The following SYNJ2BP variants were observed in gnomAD, a reference collection of about 807,000 sequenced individuals.
SYNJ2BP encodes the protein synaptojanin-2-binding protein.
Under a neutral mutation model 16.9 loss-of-function variants are expected in SYNJ2BP, and 10 were observed. The ratio of observed to expected loss-of-function variants is 0.59; its 90% CI spans 0.36 to 1.00. The LOEUF is 1.00. Ranked by LOEUF, SYNJ2BP falls within the 50% of genes least tolerant of loss-of-function variation. The probability of loss-of-function intolerance (pLI) is 0.01; values close to 1 mark genes in which losing one functional copy is unlikely to be tolerated. For synonymous variants in SYNJ2BP, 54 were observed against 68.4 expected, an observed-to-expected ratio of 0.79 and a Z score of 1.04; for missense variants, 162 against 186.7, an observed-to-expected ratio of 0.87 and a Z score of 0.77.
At chr14:70,388,273 CT>C (rs1887903922) in intron 2 of SYNJ2BP, among the ~76,000 whole-genome samples, 196 bp downstream of exon 2, 1 of 152,238 alleles carries the variant, frequency 6.6e-6, no homozygotes, top group African/African-American at 2.4e-5. Context: ...ACATTCTCAT[CT>C]ATCAGGTGAG....
chr14:70,397,708 T>A (rs1363956536), intron 1 of SYNJ2BP, among the ~76,000 whole-genome samples: 1 of 152,214 alleles, frequency 6.6e-6, no homozygotes. Flanking sequence ...AGGTCTCAGA[T>A]ACATGAAGGG....
intron 1 of SYNJ2BP, among the ~76,000 whole-genome samples, chr14:70,407,772 A>G (rs142076518): frequency 1.2e-4 from 18 of 152,216 alleles, no homozygotes; most frequent in Middle Eastern, 3.4e-3. Context: ...AATATTTGCT[A>G]TCGCTTTTCA....
At position 70,412,529 on chromosome 14, in the gene SYNJ2BP, T is replaced by C. The variant is rs60542039; in HGVS notation, c.64+4371A>G. On this transcript the variant is annotated intron_variant, in intron 1 of 3. Transcript: ENST00000256366. ...ATATACAGTATATATACAGTATATA[T>C]GTATGTATAGTATATATACAGTATA... is the stretch of plus-strand genomic sequence containing the variant. 5.5e-3 allele frequency among the ~76,000 whole-genome samples: 803 copies of C among 144,858 alleles called. 13 individuals are homozygous for C. The highest frequency in any genetic ancestry group is 0.02 in the African/African-American group (748 of 37,418).
At chr14:70,397,700 G>T (rs1335279150) in intron 1 of SYNJ2BP, among the ~76,000 whole-genome samples, 1 of 152,202 alleles carries the variant, frequency 6.6e-6, no homozygotes, top group Non-Finnish European at 1.5e-5. Context: ...GAGCTCCCAG[G>T]TCTCAGATAC....
At chr14:70,409,307 C>T (rs1010124970) in intron 1 of SYNJ2BP, among the ~76,000 whole-genome samples, 6 of 152,192 alleles carry the variant, frequency 3.9e-5, no homozygotes, top group Non-Finnish European at 8.8e-5. Context: ...ATAATAAATG[C>T]TAAATAAATT....
intron 1 of SYNJ2BP, among the ~76,000 whole-genome samples, chr14:70,400,062 A>G (rs1297912903): frequency 6.6e-6 from 1 of 152,236 alleles, no homozygotes; most frequent in East Asian, 1.9e-4. Context: ...TGTTCCAAGC[A>G]AAAAGTCAAA....
In SYNJ2BP at chr14:70,370,810, C is replaced by A; in HGVS notation, c.*2181G>T. On this transcript the variant is annotated 3_prime_UTR_variant, in exon 4 of 4. Coordinates refer to ENST00000256366, the MANE Select transcript of SYNJ2BP (RefSeq NM_018373.3). ...GGCCCTTAAGGGTCTTCAACTTGTC[C>A]CTTTCCTCCACGTAACTTTCTCAAA... 6.6e-6 allele frequency: 1 copy of A among 152,290 alleles called. No homozygotes were observed. Among genetic ancestry groups the A allele is most frequent in the Non-Finnish European group, 1.5e-5 (1 of 68,040 alleles). The allele number at this position is 152,290 out of a possible 1,614,324, so 9.4% of individuals were successfully genotyped here. A position where few individuals can be genotyped will look rare whatever the true frequency, so the allele number is the denominator to read the frequency against.
chr14:70,390,394 C>T (rs1319120090), intron 1 of SYNJ2BP, among the ~76,000 whole-genome samples: 1 of 151,764 alleles, frequency 6.6e-6, no homozygotes, highest in African/African-American at 2.4e-5. Context: ...GGGGGCCGGG[C>T]GCGGTGGCTC....
chr14:70,366,813 G>T lies in SYNJ2BP; in HGVS notation c.*6178C>A, dbSNP rs1305528061. The T allele has an allele frequency of 6.6e-6, 1 of 152,070 alleles. No homozygotes were observed. Among genetic ancestry groups the T allele is most frequent in the South Asian group, 2.1e-4 (1 of 4,816 alleles). The allele number at this position is 152,070 out of a possible 1,614,324, so 9.4% of individuals were successfully genotyped here. A position where few individuals can be genotyped will look rare whatever the true frequency, so the allele number is the denominator to read the frequency against. On this transcript the variant is annotated 3_prime_UTR_variant, in exon 4 of 4. Transcript: ENST00000256366. ...GCAGAAAGGAAGCAAAACAAAACAG[G>T]GTTCATGAGGAAAATAATCTTCTAA...
At chr14:70,391,570 T>G (rs1594950468) in intron 1 of SYNJ2BP, among the ~76,000 whole-genome samples, 1 of 152,214 alleles carries the variant, frequency 6.6e-6, no homozygotes, top group East Asian at 1.9e-4. Flanking sequence ...ACAAACTATG[T>G]AGAAAAATCT....
chr14:70,413,323 T>C (rs1468629222), intron 1 of SYNJ2BP, among the ~76,000 whole-genome samples: 2 of 152,160 alleles, frequency 1.3e-5, no homozygotes, highest in Non-Finnish European at 2.9e-5. Flanking sequence ...GCAAAAGTAA[T>C]TGCGGTTCTG....
At chr14:70,391,482 G>A (rs1015086623) in intron 1 of SYNJ2BP, among the ~76,000 whole-genome samples, 2 of 152,186 alleles carry the variant, frequency 1.3e-5, no homozygotes, top group East Asian at 1.9e-4. Flanking sequence ...CAAGATTATC[G>A]AAGGTTTTGA....
At chr14:70,406,888 C>T (rs138964578) in intron 1 of SYNJ2BP, among the ~76,000 whole-genome samples, 5 of 152,270 alleles carry the variant, frequency 3.3e-5, no homozygotes, top group South Asian at 2.1e-4. Flanking sequence ...GTACAGCTAG[C>T]GCTGTGTGAA....
Position 70,372,402 on chromosome 14 carries a change from T to C in SYNJ2BP, c.*589A>G, listed in dbSNP as rs1376454770. On this transcript the variant is annotated 3_prime_UTR_variant, in exon 4 of 4. Transcript: ENST00000256366. ...AAGATCATCCCTTTTATCAGAAACC[T>C]AGACACCACAAAGTAGCTTTCTCAC... 1 of 152,848 alleles carries C rather than the reference T, an allele frequency of 6.5e-6. No individual in the cohort carries two copies. Among genetic ancestry groups the C allele is most frequent in the Non-Finnish European group, 1.5e-5 (1 of 68,218 alleles). 9.5% of individuals were successfully genotyped at this position (152,848 alleles called of 1,614,324 possible). A position where few individuals can be genotyped will look rare whatever the true frequency, so the allele number is the denominator to read the frequency against.
At chr14:70,396,000 G>A (rs943016195) in intron 1 of SYNJ2BP, among the ~76,000 whole-genome samples, 2 of 151,978 alleles carry the variant, frequency 1.3e-5, no homozygotes, top group African/African-American at 4.8e-5. Flanking sequence ...ATAATCTTTT[G>A]TATGTACATA....
intron 2 of SYNJ2BP, among the ~76,000 whole-genome samples, chr14:70,378,646 T>C (rs17566989): frequency 0.072 from 10,889 of 152,178 alleles, 560 homozygotes; most frequent in Non-Finnish European, 0.11. Context: ...AACTTTCATA[T>C]ACAATAGATT....
In SYNJ2BP at chr14:70,367,541, G is replaced by T. The variant is rs569536278; in HGVS notation, c.*5450C>A. The T allele has an allele frequency of 9.0e-6, 1 of 110,758 alleles. No individual in the cohort carries two copies. Among genetic ancestry groups the T allele is most frequent in the African/African-American group, 3.6e-5 (1 of 27,496 alleles). 6.9% of individuals were successfully genotyped at this position (110,758 alleles called of 1,614,324 possible). Reference sequence around the variant, plus strand: ...CGTGCCACTGCACTCCAGCCTAGGCGACAGAGCAAGACTCCGTCTCAAAAA... The same window carrying T: ...CGTGCCACTGCACTCCAGCCTAGGCTACAGAGCAAGACTCCGTCTCAAAAA... On this transcript the variant is annotated 3_prime_UTR_variant, in exon 4 of 4. Transcript: ENST00000256366.
At chr14:70,385,759 T>C (rs1410130100) in intron 2 of SYNJ2BP, among the ~76,000 whole-genome samples, 3 of 152,166 alleles carry the variant, frequency 2.0e-5, no homozygotes, top group Non-Finnish European at 4.4e-5. Flanking sequence ...GGATAACTAA[T>C]CCTAGCTCCT....
At chr14:70,384,327 G>C (rs1207214411) in intron 2 of SYNJ2BP, among the ~76,000 whole-genome samples, 1 of 152,060 alleles carries the variant, frequency 6.6e-6, no homozygotes, top group Non-Finnish European at 1.5e-5. Flanking sequence ...ACCTATGCGT[G>C]GAGCATAGGA....
Sources: allele counts gnomAD v4.1 joint callset (sites outside exome capture counted in the v4.1 genomes callset), GRCh38; gene constraint gnomAD v4.1.1; transcripts MANE v1.5; gene names NCBI Gene and HGNC (gene_info 2026-07-23, HGNC 2026-07-21).